The following PARD3B variants were observed in gnomAD, a reference collection of about 807,000 sequenced individuals.
PARD3B encodes the protein par-3 family cell polarity regulator beta.
Under a neutral mutation model 130.2 loss-of-function variants are expected in PARD3B, and 103 were observed. The observed-to-expected ratio is 0.79, with a 90% CI of 0.67 to 0.93. PARD3B has a LOEUF of 0.93. Ranked by LOEUF, PARD3B falls within the 40% of genes least tolerant of loss-of-function variation. PARD3B has a pLI of 0.00. For synonymous variants in PARD3B, 583 were observed against 553.2 expected (o/e 1.05, Z -0.76); for missense variants, 1,609 against 1,499.2 (o/e 1.07, Z -1.21).
intron 2 of PARD3B, among the ~76,000 whole-genome samples, chr2:204,744,548 G>C (rs762761663): frequency 6.6e-6 from 1 of 152,176 alleles, no homozygotes; most frequent in Non-Finnish European, 1.5e-5. Flanking sequence ...TTTTAAAAGA[G>C]AGAGAGGGTT....
intron 18 of PARD3B, among the ~76,000 whole-genome samples, chr2:205,384,324 T>C (rs2045586392): frequency 6.6e-6 from 1 of 152,014 alleles, no homozygotes; most frequent in Admixed American, 6.6e-5. Flanking sequence ...AGTCCTCAGG[T>C]GACCATAAAA....
At chr2:204,657,075 G>A (rs2035662277) in intron 1 of PARD3B, among the ~76,000 whole-genome samples, 1 of 152,138 alleles carries the variant, frequency 6.6e-6, no homozygotes, top group South Asian at 2.1e-4. Flanking sequence ...ACTTTGAAGA[G>A]TTCTAGGCCA....
At chr2:204,584,512 G>A (rs1244610959) in intron 1 of PARD3B, among the ~76,000 whole-genome samples, 2 of 152,236 alleles carry the variant, frequency 1.3e-5, no homozygotes, top group South Asian at 4.1e-4. Context: ...TCTAGAAAAT[G>A]TAAGAATACA....
chr2:204,666,448 T>C (rs1181626094), intron 1 of PARD3B, among the ~76,000 whole-genome samples: 1 of 152,084 alleles, frequency 6.6e-6, no homozygotes. Context: ...AATATGTCAC[T>C]ATAGGAAGGG....
chr2:204,862,100 T>G (rs2045232133), intron 2 of PARD3B, among the ~76,000 whole-genome samples: 1 of 152,160 alleles, frequency 6.6e-6, no homozygotes, highest in Admixed American at 6.5e-5. Context: ...TTTTCATAAG[T>G]GGAAAATTAT....
chr2:204,864,602 C>T (rs2045338874), intron 2 of PARD3B, among the ~76,000 whole-genome samples: 1 of 152,158 alleles, frequency 6.6e-6, no homozygotes, highest in Non-Finnish European at 1.5e-5. Context: ...TAATATTAAA[C>T]ATCACTTTCC....
chr2:204,633,736 C>T (rs1256870778), intron 1 of PARD3B, among the ~76,000 whole-genome samples: 1 of 152,140 alleles, frequency 6.6e-6, no homozygotes, highest in Non-Finnish European at 1.5e-5. Flanking sequence ...CACTTGAACC[C>T]AGGAGGCAGA....
chr2:205,583,841 C>G (rs1019998995), intron 22 of PARD3B, among the ~76,000 whole-genome samples: 5 of 152,188 alleles, frequency 3.3e-5, no homozygotes, highest in African/African-American at 9.7e-5. Flanking sequence ...CACCTCACCT[C>G]CAGTTCTACT....
intron 3 of PARD3B, among the ~76,000 whole-genome samples, chr2:205,018,845 A>G (rs1055363037): frequency 2.7e-5 from 4 of 150,066 alleles, no homozygotes; most frequent in Non-Finnish European, 5.9e-5. Flanking sequence ...TGTTAAAGAC[A>G]TTGCCATCAC....
intron 3 of PARD3B, among the ~76,000 whole-genome samples, chr2:205,018,224 A>C: frequency 6.6e-6 from 1 of 152,192 alleles, no homozygotes; most frequent in East Asian, 1.9e-4. Context: ...GGAAGTCTAA[A>C]AGTGAGTACT....
chr2:205,286,929 A>C (rs910302140), intron 16 of PARD3B, among the ~76,000 whole-genome samples: 2 of 152,238 alleles, frequency 1.3e-5, no homozygotes, highest in Admixed American at 1.3e-4. Context: ...GTATGTTTCT[A>C]CTTATTACTA....
chr2:204,603,735 G>T (rs1166313412), intron 1 of PARD3B, among the ~76,000 whole-genome samples: 2 of 152,090 alleles, frequency 1.3e-5, no homozygotes, highest in Non-Finnish European at 2.9e-5. Context: ...GGCACAAAAA[G>T]AATATGAAAC....
At chr2:204,979,993 G>T (rs1249342418) in intron 3 of PARD3B, among the ~76,000 whole-genome samples, 1 of 152,114 alleles carries the variant, frequency 6.6e-6, no homozygotes, top group Non-Finnish European at 1.5e-5. Flanking sequence ...GATAAATTGG[G>T]TTATGTGCAA....
chr2:205,188,785 A>C (rs1380763296), intron 14 of PARD3B, among the ~76,000 whole-genome samples: 1 of 57,064 alleles, frequency 1.8e-5, no homozygotes, highest in Admixed American at 2.5e-4. Context: ...CTGCCTTTCA[A>C]AAAAAAAAAA....
intron 3 of PARD3B, among the ~76,000 whole-genome samples, chr2:205,047,015 ATTTTC>A (rs1468019052): frequency 1.3e-5 from 2 of 152,162 alleles, no homozygotes; most frequent in Non-Finnish European, 2.9e-5. Context: ...GAACTAACTT[ATTTTC>A]TTTATCAGTT....
At chr2:205,168,320 A>AGAGAGTGT (rs371904121) in intron 11 of PARD3B, among the ~76,000 whole-genome samples, 12,479 of 119,686 alleles carry the variant, frequency 0.1, 831 homozygotes, top group Middle Eastern at 0.18. Context: ...AGAGAGAGAG[A>AGAGAGTGT]GTGTGTGTGT....
At chr2:205,299,017 A>G (rs1356477271) in intron 16 of PARD3B, among the ~76,000 whole-genome samples, 1 of 152,218 alleles carries the variant, frequency 6.6e-6, no homozygotes, top group Non-Finnish European at 1.5e-5. Flanking sequence ...TAAGGATTAT[A>G]GTAAGTTACT....
intron 20 of PARD3B, among the ~76,000 whole-genome samples, chr2:205,453,034 G>A (rs534370199): frequency 1.3e-5 from 2 of 152,202 alleles, no homozygotes; most frequent in South Asian, 4.1e-4. Context: ...CTAAGAAGAG[G>A]TTGGAAGGTA....
chr2:205,203,169 CA>C (rs1207175451), intron 15 of PARD3B, among the ~76,000 whole-genome samples: 4 of 152,136 alleles, frequency 2.6e-5, no homozygotes, highest in African/African-American at 9.7e-5. Flanking sequence ...GATATTCTGC[CA>C]GTAACAAACC....
Sources: gnomAD v4.1 joint callset for allele counts (sites outside exome capture counted in the v4.1 genomes callset) on GRCh38, gnomAD v4.1.1 for gene constraint, MANE v1.5 for transcripts, NCBI Gene and HGNC (gene_info 2026-07-23, HGNC 2026-07-21) for gene names.